Variants in SLC8A1 observed in about 807,000 individuals in gnomAD.
SLC8A1 encodes the protein solute carrier family 8 member A1, also known as sodium/calcium exchanger 1.
SLC8A1 carries 18 observed loss-of-function variants against 68.3 expected under a neutral mutation model. The ratio of observed to expected loss-of-function variants is 0.26; its 90% confidence interval spans 0.18 to 0.39. SLC8A1 has a LOEUF of 0.39. Ranked by LOEUF, SLC8A1 falls within the 10% of genes least tolerant of loss-of-function variation. SLC8A1 has a pLI of 1.00. For missense variants in SLC8A1, 985 were observed against 1,156.7 expected, an observed-to-expected ratio of 0.85 and a Z score of 2.15; for synonymous variants, 475 against 415.5, an observed-to-expected ratio of 1.14 and a Z score of -1.74.
At chr2:40,495,319 T>G (rs1289113631) in intron 1 of SLC8A1, among the ~76,000 whole-genome samples, 1 of 152,054 alleles carries the variant, frequency 6.6e-6, no homozygotes, top group Non-Finnish European at 1.5e-5. Flanking sequence ...TAATTATTGT[T>G]GTTATTAATC....
chr2:40,304,123 A>C (rs2072104153), intron 2 of SLC8A1, among the ~76,000 whole-genome samples: 2 of 152,204 alleles, frequency 1.3e-5, no homozygotes, highest in African/African-American at 4.8e-5. Context: ...CATAAACTTT[A>C]ATAATGTGAT....
intron 2 of SLC8A1, among the ~76,000 whole-genome samples, chr2:40,297,506 T>C (rs1406277614): frequency 6.6e-6 from 1 of 152,230 alleles, no homozygotes; most frequent in Non-Finnish European, 1.5e-5. Flanking sequence ...AGTAGTTTTC[T>C]GGAAAAAATT....
chr2:40,193,559 T>A (rs2052317215), intron 2 of SLC8A1, among the ~76,000 whole-genome samples: 1 of 152,112 alleles, frequency 6.6e-6, no homozygotes, highest in Non-Finnish European at 1.5e-5. Flanking sequence ...ATGTTTATGG[T>A]GTGCACATGT....
At chr2:40,111,208 G>A (rs546563429) in exon 8 of SLC8A1, 64 of 152,274 alleles carry the variant, frequency 4.2e-4, no homozygotes, top group African/African-American at 1.5e-3. Context: ...CAGGAAATTT[G>A]AACCCATTAA....
At chr2:40,356,774 C>T (rs567896399) in intron 2 of SLC8A1, among the ~76,000 whole-genome samples, 1 of 152,302 alleles carries the variant, frequency 6.6e-6, no homozygotes, top group South Asian at 2.1e-4. Flanking sequence ...AGGCTGTCAA[C>T]TCTCCCAACT....
intron 5 of SLC8A1, among the ~76,000 whole-genome samples, chr2:40,162,857 T>A (rs2045922518): frequency 1.3e-5 from 2 of 152,140 alleles, no homozygotes; most frequent in South Asian, 4.1e-4. Flanking sequence ...AAATAAGAAC[T>A]CAGTGGGTAA....
chr2:40,176,846 C>T (rs1297047954), intron 3 of SLC8A1, among the ~76,000 whole-genome samples: 1 of 152,106 alleles, frequency 6.6e-6, no homozygotes, highest in African/African-American at 2.4e-5. Flanking sequence ...GCTCATTTTA[C>T]ACAATAAGTA....
At chr2:40,487,934 C>T (rs1439266259) in intron 1 of SLC8A1, among the ~76,000 whole-genome samples, 1 of 152,106 alleles carries the variant, frequency 6.6e-6, no homozygotes, top group Non-Finnish European at 1.5e-5. Flanking sequence ...GATACCACTT[C>T]ATGGAAAAAC....
chr2:40,207,163 A>C (rs981464380), intron 2 of SLC8A1, among the ~76,000 whole-genome samples: 11 of 152,064 alleles, frequency 7.2e-5, no homozygotes, highest in Non-Finnish European at 1.3e-4. Flanking sequence ...TGATACATAA[A>C]ATAATGGTAT....
chr2:40,201,227 GT>G (rs1309267000), intron 2 of SLC8A1, among the ~76,000 whole-genome samples: 2 of 151,742 alleles, frequency 1.3e-5, no homozygotes, highest in African/African-American at 2.4e-5. Context: ...AATCTAAGAA[GT>G]CTTATGATTT....
intron 2 of SLC8A1, among the ~76,000 whole-genome samples, chr2:40,294,156 C>T (rs2069880200): frequency 6.6e-6 from 1 of 152,072 alleles, no homozygotes; most frequent in Non-Finnish European, 1.5e-5. Flanking sequence ...AGCAATGCTA[C>T]TTCTAAGAGT....
At chr2:40,113,427 G>C (rs1399861397) in exon 8 of SLC8A1, 1 of 152,684 alleles carries the variant, frequency 6.5e-6, no homozygotes, top group Non-Finnish European at 1.5e-5. Context: ...TTTTAACATA[G>C]AAACAGCTAT....
chr2:40,468,921 T>A (rs895047839), intron 1 of SLC8A1, among the ~76,000 whole-genome samples: 2 of 151,964 alleles, frequency 1.3e-5, no homozygotes, highest in Non-Finnish European at 2.9e-5. Context: ...ATATTTAAAA[T>A]AAATAAAGAA....
At chr2:40,102,814 G>A (rs1008249251) in exon 8 of SLC8A1, 3 of 152,034 alleles carry the variant, frequency 2.0e-5, no homozygotes, top group Admixed American at 2.0e-4. Context: ...ATCTGAAATG[G>A]GGGGCAAATT....
At chr2:40,477,530 C>T (rs1704364059) in intron 1 of SLC8A1, among the ~76,000 whole-genome samples, 1 of 152,150 alleles carries the variant, frequency 6.6e-6, no homozygotes, top group Non-Finnish European at 1.5e-5. Flanking sequence ...CACCCAAATG[C>T]CAAAGACTCT....
At chr2:40,108,109 C>T (rs1018944741) in exon 8 of SLC8A1, 2 of 152,070 alleles carry the variant, frequency 1.3e-5, no homozygotes, top group Admixed American at 1.3e-4. Context: ...TAAAAATCAA[C>T]ATCAAAATGG....
intron 1 of SLC8A1, among the ~76,000 whole-genome samples, chr2:40,451,056 G>A (rs529745669): frequency 1.3e-5 from 2 of 152,314 alleles, no homozygotes; most frequent in South Asian, 4.1e-4. Context: ...CAAGAGCATC[G>A]CCTGGGCGGA....
intron 2 of SLC8A1, among the ~76,000 whole-genome samples, chr2:40,192,687 C>A (rs989424131): frequency 1.3e-5 from 2 of 151,882 alleles, no homozygotes; most frequent in Non-Finnish European, 2.9e-5. Flanking sequence ...TATGGATTTT[C>A]CCCTACATAT....
chr2:40,178,865 G>C (rs1410412459), intron 2 of SLC8A1, among the ~76,000 whole-genome samples: 1 of 152,062 alleles, frequency 6.6e-6, no homozygotes, highest in African/African-American at 2.4e-5. Flanking sequence ...CTATGCCCTG[G>C]AACTCACTCC....
Sources: allele counts gnomAD v4.1 joint callset (sites outside exome capture counted in the v4.1 genomes callset), GRCh38; gene constraint gnomAD v4.1.1; transcripts MANE v1.5; gene names NCBI Gene and HGNC (gene_info 2026-07-23, HGNC 2026-07-21).